BIRC6: variants seen among roughly 807,000 people sequenced by gnomAD.
BIRC6 encodes the protein dual E2 ubiquitin-conjugating enzyme/E3 ubiquitin-protein ligase BIRC6.
BIRC6 carries 98 observed loss-of-function variants against 503.3 expected under a neutral mutation model. The ratio of observed to expected loss-of-function variants is 0.19; its 90% confidence interval spans 0.17 to 0.23. The LOEUF is 0.23. BIRC6 is among the 10% of genes least tolerant of loss of function. BIRC6 has a pLI of 1.00. For missense variants in BIRC6, 5,360 were observed against 5,806.0 expected (o/e 0.92, Z 2.50); for synonymous variants, 2,240 against 2,078.7 (o/e 1.08, Z -2.11).
chr2:32,589,521 C>G (rs527705868), intron 66 of BIRC6, among the ~76,000 whole-genome samples: 3 of 152,222 alleles, frequency 2.0e-5, no homozygotes, highest in African/African-American at 4.8e-5. Context: ...ACTTTGATTT[C>G]TGTTGAAAAA....
chr2:32,452,348 AT>A (rs1429580203), intron 22 of BIRC6, among the ~76,000 whole-genome samples: 3 of 152,098 alleles, frequency 2.0e-5, no homozygotes, highest in Non-Finnish European at 4.4e-5. Flanking sequence ...AAATTATGCT[AT>A]TTTAACATTT....
At chr2:32,367,562 G>A (rs1297194288) in intron 1 of BIRC6, among the ~76,000 whole-genome samples, 1 of 151,876 alleles carries the variant, frequency 6.6e-6, no homozygotes, top group Admixed American at 6.6e-5. Flanking sequence ...TGGCTGTCGC[G>A]TGTAATCCCA....
chr2:32,614,672 A>AC (rs760235455), intron 73 of BIRC6, among the ~76,000 whole-genome samples: 1 of 152,074 alleles, frequency 6.6e-6, no homozygotes, highest in Non-Finnish European at 1.5e-5. Flanking sequence ...TATTAAAAGA[A>AC]AATACAAAAA....
chr2:32,577,476 A>G (rs1375029211), intron 66 of BIRC6, among the ~76,000 whole-genome samples: 1 of 152,294 alleles, frequency 6.6e-6, no homozygotes, highest in East Asian at 1.9e-4. Context: ...TCACACATTT[A>G]TAGTGTTACA....
intron 61 of BIRC6, among the ~76,000 whole-genome samples, chr2:32,535,222 C>G (rs912483898): frequency 1.5e-5 from 2 of 135,456 alleles, no homozygotes; most frequent in African/African-American, 5.7e-5. Context: ...AAGAAAATGA[C>G]CTATATTTTC....
rs776726196 is a variant in BIRC6, at chr2:32,431,136, A to G, written c.3248+46A>G. The G allele has an allele frequency of 1.5e-5, 15 of 976,104 alleles. 1 individual carries two copies. The South Asian group carries it at 2.1e-4, about 13-fold the overall frequency. 60.5% of individuals were successfully genotyped at this position (976,104 alleles called of 1,614,324 possible). A position where few individuals can be genotyped will look rare whatever the true frequency, so the allele number is the denominator to read the frequency against. Reference sequence around the variant, plus strand: ...AATTAATTTTAAGTCCATCTTGTGTATTTGTCAGAGACAACGTAGAATTCC... The same window carrying G: ...AATTAATTTTAAGTCCATCTTGTGTGTTTGTCAGAGACAACGTAGAATTCC... On this transcript the variant is annotated intron_variant, in intron 12 of 73. Transcript: ENST00000421745.
intron 73 of BIRC6, among the ~76,000 whole-genome samples, chr2:32,616,422 T>C (rs1234000445): frequency 6.6e-6 from 1 of 151,844 alleles, no homozygotes; most frequent in African/African-American, 2.4e-5. Context: ...TAACTGGGCA[T>C]GGTGGTGCAT....
chr2:32,409,489 A>C (rs2041618744), intron 9 of BIRC6, among the ~76,000 whole-genome samples: 1 of 152,178 alleles, frequency 6.6e-6, no homozygotes, highest in Non-Finnish European at 1.5e-5. Flanking sequence ...CAAAAATGTG[A>C]GTGCAGATAA....
intron 50 of BIRC6, among the ~76,000 whole-genome samples, chr2:32,506,175 T>C (rs2149531529): frequency 6.6e-6 from 1 of 152,310 alleles, no homozygotes. Context: ...GGTTCACAAA[T>C]GCTTTCAATA....
rs76076027 is a variant in BIRC6, at chr2:32,468,176, A to G, written c.5780+65A>G. 9.5e-4 allele frequency: 1,417 copies of G among 1,484,728 alleles called. 26 individuals carry two copies. The East Asian group carries it at 0.028, about 30-fold the overall frequency. 92.0% of individuals were successfully genotyped at this position (1,484,728 alleles called of 1,614,324 possible). The stretch of plus-strand genomic sequence containing the variant: ...GTATTTTATATAATGTCTTGCTTAT[A>G]ATTCTGTCAAGAAATGTCTTTTCAT... On this transcript the variant is annotated intron_variant, in intron 28 of 73. Coordinates refer to ENST00000421745, the MANE Select transcript of BIRC6 (RefSeq NM_016252.4).
chr2:32,545,944 T>A, intron 63 of BIRC6, 84 bp downstream of exon 63: 1 of 1,246,178 alleles, frequency 8.0e-7, no homozygotes, highest in South Asian at 1.4e-5. Context: ...TCTGAATTAA[T>A]CTTTCAGAGA....
intron 21 of BIRC6, among the ~76,000 whole-genome samples, chr2:32,446,906 G>T (rs1400971491): frequency 8.0e-6 from 1 of 124,980 alleles, no homozygotes; most frequent in African/African-American, 3.1e-5. Flanking sequence ...GCGGCCTTCC[G>T]CAGTGTTTGT....
chr2:32,533,771 G>C (rs1248090041), intron 61 of BIRC6, among the ~76,000 whole-genome samples: 4 of 152,154 alleles, frequency 2.6e-5, no homozygotes, highest in African/African-American at 9.7e-5. Flanking sequence ...GAAAAGGTGA[G>C]GAACTGTTAT....
In BIRC6 at chr2:32,508,123, C is replaced by G; in HGVS notation, c.9844C>G (p.Leu3282Val). ...AEVASAVCLR[L>V]HRPRDASTLG... ...AGTAGCTTCTGCTGTCTGCCTTAGA[C>G]TACATCGTCCACGGGATGCCAGCAC... Residue 3282 changes from leucine (L) to valine (V), a missense_variant, in exon 51 of 74, where the codon CTA becomes GTA. Physicochemically the swap from Leu to Val is conservative, Grantham distance 32. Coordinates refer to ENST00000421745, the MANE Select transcript of BIRC6 (RefSeq NM_016252.4). The G allele has an allele frequency of 6.2e-7, 1 of 1,613,878 alleles. No homozygotes were observed. The highest frequency in any genetic ancestry group is 1.1e-5 in the South Asian group (1 of 91,080).
chr2:32,505,313 A>T, intron 50 of BIRC6, 108 bp downstream of exon 50: 1 of 890,896 alleles, frequency 1.1e-6, no homozygotes, highest in Non-Finnish European at 1.7e-6. Flanking sequence ...TGATTACCAG[A>T]GAGTGTAACT....
At chr2:32,604,532 G>A (rs2062297000) in intron 71 of BIRC6, among the ~76,000 whole-genome samples, 1 of 152,150 alleles carries the variant, frequency 6.6e-6, no homozygotes, top group South Asian at 2.1e-4. Flanking sequence ...GCCACCCAGT[G>A]GTAAGATAAC....
rs780342557 is a variant in BIRC6, at chr2:32,515,193, C to T, written c.10772C>T (p.Ser3591Phe). Residue 3591 changes from serine to phenylalanine, a missense_variant, in exon 55 of 74, where the codon TCT (serine) becomes TTT (phenylalanine). By Grantham distance (155) the Ser-to-Phe change is radical. Transcript: ENST00000421745. ...AGCAAAAAGCAGGATCTTAGTTCAT[C>T]TTTAACAGATGACTCTAAAAATGCA... ...DDSKKQDLSS[S>F]LTDDSKNAQA... 6.2e-7 allele frequency: 1 copy of T among 1,613,920 alleles called. No homozygotes were observed.
At chr2:32,533,996 C>T (rs1038157337) in intron 61 of BIRC6, among the ~76,000 whole-genome samples, 2 of 152,126 alleles carry the variant, frequency 1.3e-5, no homozygotes, top group African/African-American at 4.8e-5. Flanking sequence ...ATACTACTAG[C>T]TATATGGGAT....
chr2:32,478,638 C>T lies in BIRC6; in HGVS notation c.7072C>T (p.Leu2358Phe). 1 of 1,609,838 alleles carries T rather than the reference C, an allele frequency of 6.2e-7. No individual in the cohort carries two copies. The highest frequency in any genetic ancestry group is 8.5e-7 in the Non-Finnish European group (1 of 1,178,702). ...GATTTTATAAAATGTATTACAGGTTCTTGCACGCATTGCAAATGCCACGAG... is the reference window on the plus strand; with the variant it reads ...GATTTTATAAAATGTATTACAGGTTTTTGCACGCATTGCAAATGCCACGAG... ...ADLLLFVCKV[L>F]ARIANATRPT... Residue 2358 changes from leucine to phenylalanine, a missense_variant, in exon 36 of 74, where the codon CTT becomes TTT. Leu to Phe is a conservative substitution (Grantham distance 22). Transcript: ENST00000421745.
Sources: gnomAD v4.1 joint callset for allele counts (sites outside exome capture counted in the v4.1 genomes callset) on GRCh38, gnomAD v4.1.1 for gene constraint, MANE v1.5 for transcripts, NCBI Gene and HGNC (gene_info 2026-07-23, HGNC 2026-07-21) for gene names.